The following EPB41 variants were observed in gnomAD, a reference collection of about 807,000 sequenced individuals.
EPB41 encodes the protein protein 4.1.
In EPB41, 65 loss-of-function variants were observed where a neutral mutation model predicts 108.0. That is an observed-to-expected ratio of 0.60 (90% CI 0.49 to 0.74). The LOEUF is 0.74. Among genes scored for constraint, EPB41 ranks in the 30% least tolerant of loss-of-function variants. The pLI, the probability that EPB41 is intolerant of heterozygous loss-of-function variation, is 0.00. For synonymous variants in EPB41, 336 were observed against 358.9 expected, an observed-to-expected ratio of 0.94 and a Z score of 0.72; for missense variants, 875 against 1,037.0, an observed-to-expected ratio of 0.84 and a Z score of 2.15.
intron 1 of EPB41, among the ~76,000 whole-genome samples, chr1:28,902,796 G>T (rs1175239318): frequency 6.6e-6 from 1 of 152,208 alleles, no homozygotes; most frequent in African/African-American, 2.4e-5. Context: ...CTGAGCTTAA[G>T]TGGCTGTGTA....
At chr1:28,934,722 A>T (rs1035421309) in intron 1 of EPB41, among the ~76,000 whole-genome samples, 2 of 132,238 alleles carry the variant, frequency 1.5e-5, no homozygotes, top group African/African-American at 6.0e-5. Flanking sequence ...ATACTTTCCT[A>T]CTTTGTGGTA....
intron 1 of EPB41, among the ~76,000 whole-genome samples, chr1:28,952,089 T>C (rs2148980764): frequency 6.6e-6 from 1 of 152,270 alleles, no homozygotes; most frequent in East Asian, 1.9e-4. Flanking sequence ...AAAAACAGAA[T>C]TATATAGCCT....
At chr1:29,026,182 C>G (rs972282384) in intron 7 of EPB41, among the ~76,000 whole-genome samples, 12 of 151,928 alleles carry the variant, frequency 7.9e-5, no homozygotes, top group African/African-American at 2.9e-4. Flanking sequence ...TTTGTGGCTG[C>G]AATGAGAGAT....
At chr1:29,040,620 T>C (rs866633829) in intron 11 of EPB41, among the ~76,000 whole-genome samples, 5 of 152,046 alleles carry the variant, frequency 3.3e-5, no homozygotes, top group South Asian at 2.1e-4. Context: ...CACGTGGCAA[T>C]TATGGATAGG....
At chr1:28,976,831 A>G (rs999066648) in intron 1 of EPB41, among the ~76,000 whole-genome samples, 5 of 152,076 alleles carry the variant, frequency 3.3e-5, no homozygotes, top group Admixed American at 1.3e-4. Flanking sequence ...TTCTATTGAC[A>G]TCTATACTCC....
At chr1:29,097,575 A>T in intron 16 of EPB41, 1 of 556,116 alleles carries the variant, frequency 1.8e-6, no homozygotes. Context: ...CTTTCCATTA[A>T]GCTTATGAAA....
At chr1:28,983,957 A>C (rs2095816023) in intron 1 of EPB41, among the ~76,000 whole-genome samples, 1 of 148,204 alleles carries the variant, frequency 6.7e-6, no homozygotes, top group African/African-American at 2.5e-5. Context: ...GAATGAATTG[A>C]AGAATGGTAA....
chr1:28,976,116 C>T (rs2149367507), intron 1 of EPB41, among the ~76,000 whole-genome samples: 1 of 152,142 alleles, frequency 6.6e-6, no homozygotes, highest in Middle Eastern at 3.4e-3. Flanking sequence ...ATCTGAAGTA[C>T]TGTGTTTTAC....
chr1:29,004,845 T>G (rs1557991838), intron 4 of EPB41, among the ~76,000 whole-genome samples: 1 of 152,216 alleles, frequency 6.6e-6, no homozygotes, highest in East Asian at 1.9e-4. Flanking sequence ...AATAAGGTTA[T>G]TCCTTGAGTT....
At position 29,083,003 on chromosome 1, in the gene EPB41, T is replaced by C. The variant is rs185564837; in HGVS notation, c.2185-14804T>C. ...CTATCATAAGCAATTTTATCAACTC[T>C]AGTAAAGGCCCACATCTTCCGGAAT... On this transcript the variant is annotated intron_variant, in intron 16 of 20. Coordinates refer to ENST00000343067, the MANE Select transcript of EPB41 (RefSeq NM_001376013.1). Among the ~76,000 whole-genome samples, 7 of 152,324 alleles carry C rather than the reference T, an allele frequency of 4.6e-5. No homozygotes were observed. The East Asian group carries it at 1.3e-3, about 29-fold the overall frequency.
chr1:29,061,474 T>G lies in EPB41; in HGVS notation c.2007+990T>G, dbSNP rs187385550. Among the ~76,000 whole-genome samples, 940 of 151,940 alleles carry G rather than the reference T, an allele frequency of 6.2e-3. 7 individuals carry two copies. The highest frequency in any genetic ancestry group is 0.011 in the Non-Finnish European group (773 of 67,960). On this transcript the variant is annotated intron_variant, in intron 15 of 20. Coordinates refer to ENST00000343067, the MANE Select transcript of EPB41 (RefSeq NM_001376013.1). ...TTAGTAGAGACGGGGTTTCACTGTG[T>G]TAGCCAGGATGGTCTGGATCTCCTG...
At chr1:28,952,205 CT>C (rs903734147) in intron 1 of EPB41, among the ~76,000 whole-genome samples, 265 of 144,736 alleles carry the variant, frequency 1.8e-3, no homozygotes, top group African/African-American at 2.8e-3. Flanking sequence ...TGAGGAGATA[CT>C]TTTTTTTTTT....
At chr1:29,064,333 T>G (rs1038192984) in intron 15 of EPB41, among the ~76,000 whole-genome samples, 11 of 152,222 alleles carry the variant, frequency 7.2e-5, no homozygotes, top group Non-Finnish European at 1.6e-4. Context: ...GAGTGATTTT[T>G]CAGAGGTAGT....
Position 29,085,798 on chromosome 1 carries a change from C to T in EPB41, c.2185-12009C>T, listed in dbSNP as rs144053279. Among the ~76,000 whole-genome samples the T allele has an allele frequency of 4.1e-3, 625 of 152,192 alleles. 4 individuals carry two copies. Among genetic ancestry groups the T allele is most frequent in the African/African-American group, 0.014 (598 of 41,520 alleles). ...AACTTCTGGACTCAAGCAATCTGCC[C>T]GCCTCGTCCTCCCAAAGTGCTGGGA... On this transcript the variant is annotated intron_variant, in intron 16 of 20. Transcript: ENST00000343067.
rs541501962 is a variant in EPB41 at position 29,116,237 on chromosome 1, C to T, written c.*6+434C>T. On this transcript the variant is annotated intron_variant, in intron 20 of 20. Transcript: ENST00000343067. ...CATGATCTTAGCTCACTGCAACCTC[C>T]GCCTCCCGGGTTCAAGGAATTCTGC... 2.2e-4 allele frequency among the ~76,000 whole-genome samples: 34 copies of T among 151,376 alleles called. No individual in the cohort carries two copies. In the East Asian group the frequency reaches 6.4e-3, roughly 29 times the overall value.
chr1:29,032,185 G>C (rs1228338279), intron 8 of EPB41, among the ~76,000 whole-genome samples: 1 of 151,964 alleles, frequency 6.6e-6, no homozygotes, highest in Non-Finnish European at 1.5e-5. Context: ...GTATATTGTA[G>C]GAAGATCAGT....
chr1:29,025,966 G>T (rs930805561), intron 7 of EPB41, among the ~76,000 whole-genome samples: 2 of 152,088 alleles, frequency 1.3e-5, no homozygotes, highest in African/African-American at 4.8e-5. Context: ...CCATGTGGGG[G>T]AAAAGCCTAC....
At chr1:28,920,227 A>T (rs191351454) in intron 1 of EPB41, among the ~76,000 whole-genome samples, 1 of 152,228 alleles carries the variant, frequency 6.6e-6, no homozygotes, top group Non-Finnish European at 1.5e-5. Context: ...TCTATATTCA[A>T]TGTATATCTA....
intron 10 of EPB41, among the ~76,000 whole-genome samples, chr1:29,036,801 G>GAGC (rs1639670847): frequency 6.6e-6 from 1 of 151,036 alleles, no homozygotes; most frequent in Non-Finnish European, 1.5e-5. Context: ...CCAGTCTCCT[G>GAGC]AGCAGCTGGG....
Sources: allele counts gnomAD v4.1 joint callset (sites outside exome capture counted in the v4.1 genomes callset), GRCh38; gene constraint gnomAD v4.1.1; transcripts MANE v1.5; gene names NCBI Gene and HGNC (gene_info 2026-07-23, HGNC 2026-07-21).